Variants in UBASH3B observed in about 807,000 individuals in gnomAD.
UBASH3B encodes ubiquitin associated and SH3 domain containing B.
UBASH3B carries 37 observed loss-of-function variants against 83.4 expected under a neutral mutation model. The ratio of observed to expected loss-of-function variants is 0.44; its 90% CI spans 0.34 to 0.58. UBASH3B has a LOEUF of 0.58. UBASH3B is among the 20% of genes least tolerant of loss of function. The probability of loss-of-function intolerance (pLI) is 0.01; values close to 1 mark genes in which losing one functional copy is unlikely to be tolerated. For synonymous variants in UBASH3B, 304 were observed against 318.3 expected (o/e 0.96, Z 0.48); for missense variants, 657 against 827.2 (o/e 0.79, Z 2.52).
intron 1 of UBASH3B, among the ~76,000 whole-genome samples, chr11:122,749,906 T>C (rs965325918): frequency 6.6e-6 from 1 of 152,074 alleles, no homozygotes; most frequent in Non-Finnish European, 1.5e-5. Flanking sequence ...CTAATTTTTA[T>C]ATTTTTAGTA....
At chr11:122,772,478 AGAAG>A (rs1478992538) in intron 1 of UBASH3B, among the ~76,000 whole-genome samples, 1 of 152,166 alleles carries the variant, frequency 6.6e-6, no homozygotes, top group African/African-American at 2.4e-5. Context: ...AGGGAGGGAA[AGAAG>A]GAAGGAAGAA....
In UBASH3B at chr11:122,789,214, A is replaced by T. The variant is rs1168235529; in HGVS notation, c.886A>T (p.Ile296Phe). ...MEQTSTSEGWIYGTSLTTGCS... is the reference protein window; with the variant it reads ...MEQTSTSEGWFYGTSLTTGCS... ...GCAGACCAGCACCAGCGAGGGTTGG[A>T]TCTATGGCACGTCCTTAACCACCGG... is the stretch of plus-strand genomic sequence containing the variant. The change falls in exon 6 of 14, where the codon ATC (isoleucine) becomes TTC (phenylalanine). Residue 296 changes from isoleucine (I) to phenylalanine (F), a missense_variant. Physicochemically the swap from Ile to Phe is conservative, Grantham distance 21. Transcript: ENST00000284273. The T allele has an allele frequency of 6.2e-7, 1 of 1,614,042 alleles. No individual in the cohort carries two copies. The highest frequency in any genetic ancestry group is 1.3e-5 in the African/African-American group (1 of 74,908).
At chr11:122,698,141 G>A (rs1186478017) in intron 1 of UBASH3B, among the ~76,000 whole-genome samples, 1 of 152,212 alleles carries the variant, frequency 6.6e-6, no homozygotes, top group Non-Finnish European at 1.5e-5. Context: ...GCTGGGCTCA[G>A]CCACGTAGTC....
At chr11:122,782,885 C>T (rs1860879774) in intron 4 of UBASH3B, 168 bp from the exon 5 acceptor site, 2 of 747,658 alleles carry the variant, frequency 2.7e-6, no homozygotes, top group Middle Eastern at 3.2e-4. Context: ...CTCTTGCCAT[C>T]CCCTTACCCC....
chr11:122,702,442 T>A (rs1481005554), intron 1 of UBASH3B, among the ~76,000 whole-genome samples: 1 of 151,926 alleles, frequency 6.6e-6, no homozygotes, highest in Non-Finnish European at 1.5e-5. Context: ...AGATTGGAGA[T>A]TTCAGAGAAC....
intron 1 of UBASH3B, among the ~76,000 whole-genome samples, chr11:122,761,578 AAGCCGTT>A (rs1483149594): frequency 6.6e-6 from 1 of 152,088 alleles, no homozygotes; most frequent in Non-Finnish European, 1.5e-5. Context: ...TGACCCACCA[AAGCCGTT>A]AGCCAGAGTC....
At chr11:122,693,082 G>A (rs1295688443) in intron 1 of UBASH3B, among the ~76,000 whole-genome samples, 1 of 152,062 alleles carries the variant, frequency 6.6e-6, no homozygotes, top group African/African-American at 2.4e-5. Flanking sequence ...AGGGTGGGGA[G>A]AATGGCAAAG....
rs552246779 is a variant in UBASH3B at position 122,717,930 on chromosome 11, A to G, written c.162-58289A>G. On this transcript the variant is annotated intron_variant, in intron 1 of 13. Transcript: ENST00000284273. Reference sequence around the variant, plus strand: ...TCTTTCTTTTTTTTTTTTTCGGACAAGTCTCACTCTGTCACCAGTCTCACT... The same window carrying G: ...TCTTTCTTTTTTTTTTTTTCGGACAGGTCTCACTCTGTCACCAGTCTCACT... 2.0e-4 allele frequency among the ~76,000 whole-genome samples: 27 copies of G among 131,728 alleles called. No homozygotes were observed. The East Asian group carries it at 6.2e-3, about 30-fold the overall frequency. The allele number at this position is 131,728 out of a possible 152,430, so 86.4% of individuals were successfully genotyped here.
chr11:122,782,940 T>C, intron 4 of UBASH3B, 113 bp from the exon 5 acceptor site: 1 of 1,292,228 alleles, frequency 7.7e-7, no homozygotes, highest in East Asian at 2.4e-5. Flanking sequence ...TTGTCTTCTT[T>C]GTTATGTGGG....
chr11:122,712,116 A>T (rs1008599117), intron 1 of UBASH3B, among the ~76,000 whole-genome samples: 2 of 151,698 alleles, frequency 1.3e-5, no homozygotes, highest in Non-Finnish European at 2.9e-5. Flanking sequence ...TCTGAAAATG[A>T]GGGAGTGATT....
chr11:122,810,676 G>A lies in UBASH3B; in HGVS notation c.*790G>A, dbSNP rs147671319. The A allele has an allele frequency of 1.3e-5, 2 of 152,702 alleles. No homozygotes were observed. The highest frequency in any genetic ancestry group is 3.9e-4 in the East Asian group (2 of 5,192). The allele number at this position is 152,702 out of a possible 1,614,324, so 9.5% of individuals were successfully genotyped here. On this transcript the variant is annotated 3_prime_UTR_variant, in exon 14 of 14. Coordinates refer to ENST00000284273, the MANE Select transcript of UBASH3B (RefSeq NM_032873.5). ...GAGCAAAGAACTTGCAAAATATGAAGTGACTTGGAATTAACCATGTTGTAG... is the reference window on the plus strand; with the variant it reads ...GAGCAAAGAACTTGCAAAATATGAAATGACTTGGAATTAACCATGTTGTAG...
intron 1 of UBASH3B, among the ~76,000 whole-genome samples, chr11:122,744,182 T>C (rs983218972): frequency 5.9e-5 from 9 of 152,068 alleles, no homozygotes; most frequent in African/African-American, 2.2e-4. Flanking sequence ...CACCAATAGA[T>C]GGAAAATGTG....
intron 1 of UBASH3B, among the ~76,000 whole-genome samples, chr11:122,689,118 A>T (rs1863852488): frequency 6.6e-6 from 1 of 152,060 alleles, no homozygotes; most frequent in African/African-American, 2.4e-5. Flanking sequence ...GTTATTTCTG[A>T]TGGGCTTTTA....
At position 122,813,612 on chromosome 11, in the gene UBASH3B, G is replaced by T. The variant is rs989474865; in HGVS notation, c.*3726G>T. On this transcript the variant is annotated 3_prime_UTR_variant, in exon 14 of 14. Transcript: ENST00000284273. ...AAATTGCAATCCAGCACACGTGTGA[G>T]AAAGAAGAGGCACTAGTCTAAAAGG... 3 of 152,206 alleles carry T rather than the reference G, an allele frequency of 2.0e-5. No individual in the cohort carries two copies. Among genetic ancestry groups the T allele is most frequent in the Non-Finnish European group, 4.4e-5 (3 of 68,036 alleles). 9.4% of individuals were successfully genotyped at this position (152,206 alleles called of 1,614,324 possible).
At chr11:122,662,389 C>T (rs1195217799) in intron 1 of UBASH3B, among the ~76,000 whole-genome samples, 1 of 151,942 alleles carries the variant, frequency 6.6e-6, no homozygotes, top group Non-Finnish European at 1.5e-5. Flanking sequence ...CCTCTCTCAA[C>T]CCCCAACCCT....
intron 1 of UBASH3B, among the ~76,000 whole-genome samples, chr11:122,673,377 G>A (rs1863625009): frequency 6.6e-6 from 1 of 152,134 alleles, no homozygotes; most frequent in Non-Finnish European, 1.5e-5. Context: ...GGCTGGGCGC[G>A]GTGGCTCACG....
chr11:122,792,140 T>A (rs1228059432), intron 6 of UBASH3B, among the ~76,000 whole-genome samples: 1 of 151,994 alleles, frequency 6.6e-6, no homozygotes, highest in African/African-American at 2.4e-5. Flanking sequence ...GAGGCTGGCA[T>A]TCGTCTTGCC....
intron 11 of UBASH3B, among the ~76,000 whole-genome samples, chr11:122,802,230 G>A (rs960592320): frequency 4.1e-5 from 6 of 146,960 alleles, no homozygotes; most frequent in Admixed American, 2.8e-4. Context: ...CAGGAGAATC[G>A]CTTGAACCCA....
At chr11:122,769,083 A>G (rs977985781) in intron 1 of UBASH3B, among the ~76,000 whole-genome samples, 4 of 152,212 alleles carry the variant, frequency 2.6e-5, no homozygotes, top group African/African-American at 7.2e-5. Context: ...TATAAAGAAA[A>G]GAGGATTATT....
Sources: gnomAD v4.1 joint callset for allele counts (sites outside exome capture counted in the v4.1 genomes callset) on GRCh38, gnomAD v4.1.1 for gene constraint, MANE v1.5 for transcripts, NCBI Gene and HGNC (gene_info 2026-07-23, HGNC 2026-07-21) for gene names.